MYO16: variants seen among roughly 807,000 people sequenced by gnomAD.
MYO16 encodes unconventional myosin-XVI.
In MYO16, 94 loss-of-function variants were observed where a neutral mutation model predicts 205.3. That is an observed-to-expected ratio of 0.46 (90% confidence interval 0.39 to 0.54). MYO16 has a LOEUF of 0.54. Ranked by LOEUF, MYO16 falls within the 20% of genes least tolerant of loss-of-function variation. The pLI, the probability that MYO16 is intolerant of heterozygous loss-of-function variation, is 0.00. For synonymous variants in MYO16, 988 were observed against 954.0 expected (o/e 1.04, Z -0.66); for missense variants, 2,315 against 2,387.5 (o/e 0.97, Z 0.63).
chr13:108,972,273 A>ATATATATATATATATG (rs1884057430), intron 20 of MYO16, among the ~76,000 whole-genome samples: 1 of 74,240 alleles, frequency 1.3e-5, no homozygotes, highest in Non-Finnish European at 2.6e-5. Context: ...ATATATATAT[A>ATATATATATATATATG]TATATATTTA....
chr13:109,134,121 G>T (rs1382167787), intron 31 of MYO16, among the ~76,000 whole-genome samples: 1 of 152,160 alleles, frequency 6.6e-6, no homozygotes, highest in Non-Finnish European at 1.5e-5. Flanking sequence ...CAGGCATTAA[G>T]CTAAGTATCT....
At chr13:109,079,022 G>A (rs1026671448) in intron 27 of MYO16, among the ~76,000 whole-genome samples, 20 of 149,868 alleles carry the variant, frequency 1.3e-4, no homozygotes, top group African/African-American at 4.9e-4. Context: ...TCCTATCTGT[G>A]CAGCTGTCTC....
At chr13:109,091,739 A>G (rs1888630788) in intron 27 of MYO16, among the ~76,000 whole-genome samples, 1 of 152,158 alleles carries the variant, frequency 6.6e-6, no homozygotes, top group Non-Finnish European at 1.5e-5. Flanking sequence ...TCCAATAGGT[A>G]ACTCCTACGA....
intron 2 of MYO16, among the ~76,000 whole-genome samples, chr13:108,685,475 G>A (rs1882640729): frequency 6.6e-6 from 1 of 152,210 alleles, no homozygotes; most frequent in African/African-American, 2.4e-5. Flanking sequence ...TCCACTGGCT[G>A]ATTGCTTGGT....
chr13:109,022,719 A>C, intron 23 of MYO16, among the ~76,000 whole-genome samples: 1 of 61,112 alleles, frequency 1.6e-5, no homozygotes, highest in African/African-American at 4.5e-5. Context: ...ATATACGCAT[A>C]TAAACATATG....
At chr13:108,719,009 A>G (rs905652886) in intron 3 of MYO16, among the ~76,000 whole-genome samples, 4 of 152,058 alleles carry the variant, frequency 2.6e-5, no homozygotes, top group African/African-American at 9.7e-5. Flanking sequence ...TTAGGAATAC[A>G]CCACACGGGC....
At chr13:109,152,287 C>T (rs539045028) in intron 32 of MYO16, among the ~76,000 whole-genome samples, 3 of 152,090 alleles carry the variant, frequency 2.0e-5, no homozygotes, top group Non-Finnish European at 4.4e-5. Context: ...ACCTTGATTT[C>T]GGAGATAGGA....
At chr13:108,789,842 AT>A (rs1886564223) in intron 5 of MYO16, among the ~76,000 whole-genome samples, 1 of 152,190 alleles carries the variant, frequency 6.6e-6, no homozygotes, top group African/African-American at 2.4e-5. Flanking sequence ...GGCAAAAATG[AT>A]GTTTTATGTA....
chr13:108,737,084 CAG>C (rs1303159796), intron 4 of MYO16, among the ~76,000 whole-genome samples: 3 of 152,174 alleles, frequency 2.0e-5, no homozygotes, highest in Non-Finnish European at 2.9e-5. Context: ...CATCTGCAAA[CAG>C]GGACAATTTG....
intron 11 of MYO16, among the ~76,000 whole-genome samples, chr13:108,863,502 T>C (rs1392065247): frequency 6.6e-6 from 1 of 152,164 alleles, no homozygotes; most frequent in Non-Finnish European, 1.5e-5. Context: ...CAATTATTGA[T>C]CTTCAATTAG....
intron 31 of MYO16, among the ~76,000 whole-genome samples, chr13:109,139,572 G>A (rs776833197): frequency 4.6e-5 from 7 of 152,238 alleles, no homozygotes; most frequent in Non-Finnish European, 1.0e-4. Context: ...GAAGGAAGTG[G>A]CTTTATTCGG....
chr13:109,113,917 G>T (rs919147038), intron 28 of MYO16, among the ~76,000 whole-genome samples: 13 of 152,182 alleles, frequency 8.5e-5, no homozygotes, highest in Non-Finnish European at 1.5e-5. Context: ...CGACATAAAT[G>T]TGTGCACAAG....
chr13:108,581,832 T>C, the MYO16 span, among the ~76,000 whole-genome samples: 2 of 146,356 alleles, frequency 1.4e-5, no homozygotes, highest in African/African-American at 5.1e-5. Context: ...TGAGCTGAGA[T>C]CATGCCGTTG....
At chr13:108,843,002 C>T (rs950714101) in intron 9 of MYO16, among the ~76,000 whole-genome samples, 7 of 151,966 alleles carry the variant, frequency 4.6e-5, no homozygotes, top group East Asian at 1.9e-4. Flanking sequence ...AGACACAGAC[C>T]GACAAATATT....
Position 108,790,172 on chromosome 13 carries a change from A to G in MYO16, c.617-3344A>G, listed in dbSNP as rs575547560. ...TGCAGCTCAGCATGGTCATAAAACC[A>G]TCACAATAGCGGCAAAGAGTAGCCC... On this transcript the variant is annotated intron_variant, in intron 5 of 34. Transcript: ENST00000457511. Among the ~76,000 whole-genome samples, 5 of 152,370 alleles carry G rather than the reference A, an allele frequency of 3.3e-5. No homozygotes were observed. In the East Asian group the frequency reaches 9.6e-4, roughly 29 times the overall value.
chr13:108,740,861 C>T (rs1884882889), intron 4 of MYO16, among the ~76,000 whole-genome samples: 1 of 152,164 alleles, frequency 6.6e-6, no homozygotes, highest in South Asian at 2.1e-4. Context: ...GCCTCACTGC[C>T]ACCTTGCAGT....
chr13:108,617,751 A>G (rs1437919428), intron 1 of MYO16, among the ~76,000 whole-genome samples: 2 of 152,208 alleles, frequency 1.3e-5, no homozygotes, highest in Non-Finnish European at 2.9e-5. Flanking sequence ...CCCTGCACAC[A>G]TAACAAGGGA....
intron 34 of MYO16, among the ~76,000 whole-genome samples, chr13:109,191,809 A>C (rs949878088): frequency 6.6e-6 from 1 of 152,226 alleles, no homozygotes; most frequent in African/African-American, 2.4e-5. Flanking sequence ...TGACTATATC[A>C]TATTACAACC....
chr13:109,148,575 T>C (rs1594127713), intron 32 of MYO16, among the ~76,000 whole-genome samples: 1 of 152,290 alleles, frequency 6.6e-6, no homozygotes, highest in South Asian at 2.1e-4. Context: ...AGGAGAGAAT[T>C]TCTAACCTGA....
Sources: allele counts gnomAD v4.1 joint callset (sites outside exome capture counted in the v4.1 genomes callset), GRCh38; gene constraint gnomAD v4.1.1; transcripts MANE v1.5; gene names NCBI Gene and HGNC (gene_info 2026-07-23, HGNC 2026-07-21).